KLHL6: variants seen among roughly 807,000 people sequenced by gnomAD.
KLHL6 encodes the protein kelch-like protein 6.
In KLHL6, 41 loss-of-function variants were observed where a neutral mutation model predicts 58.6. That is an observed-to-expected ratio of 0.70 (90% CI 0.55 to 0.91). The LOEUF (loss-of-function observed/expected upper bound fraction) is 0.91, where lower values mean the gene tolerates loss of function less well. Among genes scored for constraint, KLHL6 ranks in the 40% least tolerant of loss-of-function variants. The pLI is 0.00. For missense variants in KLHL6, 714 were observed against 805.6 expected (o/e 0.89, Z 1.38); for synonymous variants, 338 against 322.7 (o/e 1.05, Z -0.51).
intron 2 of KLHL6, among the ~76,000 whole-genome samples, chr3:183,523,578 C>T (rs1177537844): frequency 6.6e-6 from 1 of 152,222 alleles, no homozygotes; most frequent in Non-Finnish European, 1.5e-5. Context: ...GGGATCCTTA[C>T]ATCCCAGACC....
In KLHL6 at chr3:183,492,211, G is replaced by A. The variant is rs1429298086; in HGVS notation, c.1582C>T (p.Leu528=). 1 of 1,604,868 alleles carries A rather than the reference G, an allele frequency of 6.2e-7. No homozygotes were observed. Among genetic ancestry groups the A allele is most frequent in the South Asian group, 1.1e-5 (1 of 90,400 alleles). The change falls in exon 7 of 7, where the codon CTG becomes TTG. Residue 528 remains leucine, a synonymous_variant. Coordinates refer to ENST00000341319, the MANE Select transcript of KLHL6 (RefSeq NM_130446.4). The surrounding 1 kb of genome is among the most constrained non-coding windows in gnomAD (Gnocchi z 5.9). The stretch of plus-strand genomic sequence containing the variant: ...TCTTCCAGCGGGCTGTAGGCGTACA[G>A]CGCTCTCATGGCCCCACCTGAGGAG... ...IYVVGGAMRA[L]YAYSPLEDSW...
intron 1 of KLHL6, among the ~76,000 whole-genome samples, chr3:183,547,905 C>T (rs1712776907): frequency 6.6e-6 from 1 of 152,160 alleles, no homozygotes; most frequent in African/African-American, 2.4e-5. Flanking sequence ...TATGACCCCT[C>T]AGCTCCCCAA....
intron 3 of KLHL6, among the ~76,000 whole-genome samples, chr3:183,502,885 T>A (rs966677805): frequency 6.6e-6 from 1 of 152,200 alleles, no homozygotes; most frequent in Non-Finnish European, 1.5e-5. Context: ...AATTGAGAAC[T>A]AACACAATCA....
chr3:183,537,784 A>T (rs956318429), intron 1 of KLHL6, among the ~76,000 whole-genome samples: 69 of 151,932 alleles, frequency 4.5e-4, no homozygotes, highest in African/African-American at 1.7e-3. Context: ...CACTCCCCCT[A>T]ATCTAAAATC....
At chr3:183,540,775 TTGTC>T (rs1179260743) in intron 1 of KLHL6, among the ~76,000 whole-genome samples, 1 of 152,194 alleles carries the variant, frequency 6.6e-6, no homozygotes, top group Non-Finnish European at 1.5e-5. Context: ...TTCTTTACCT[TTGTC>T]TGCTTTTGTT....
At position 183,491,111 on chromosome 3, in the gene KLHL6, T is replaced by TTTTG. The variant is rs917270342; in HGVS notation, c.*812_*815dup. The TTTTG allele has an allele frequency of 6.6e-6, 1 of 151,462 alleles. No homozygotes were observed. Among genetic ancestry groups the TTTTG allele is most frequent in the African/African-American group, 2.4e-5 (1 of 40,910 alleles). 9.4% of individuals were successfully genotyped at this position (151,462 alleles called of 1,614,324 possible). ...CAGGTTTCTTTGTTTTTGTTTTTGT[T>TTTTG]TTTGTTTTTGTTTTGAAGACAGAGC... On this transcript the variant is annotated 3_prime_UTR_variant, in exon 7 of 7. Transcript: ENST00000341319.
intron 3 of KLHL6, among the ~76,000 whole-genome samples, chr3:183,504,152 G>A (rs996124082): frequency 5.9e-5 from 9 of 152,170 alleles, no homozygotes; most frequent in African/African-American, 2.2e-4. Flanking sequence ...GTGAGAGATG[G>A]AGCAACAATA....
chr3:183,504,546 A>G (rs529101924), intron 3 of KLHL6, among the ~76,000 whole-genome samples: 2 of 152,360 alleles, frequency 1.3e-5, no homozygotes, highest in East Asian at 1.9e-4. Context: ...GCAATTTTGC[A>G]GAAGACAGGG....
At chr3:183,526,683 C>T (rs1004852470) in intron 2 of KLHL6, among the ~76,000 whole-genome samples, 1 of 152,164 alleles carries the variant, frequency 6.6e-6, no homozygotes, top group Non-Finnish European at 1.5e-5. Flanking sequence ...CATGTCTGTC[C>T]TCTCCCACTG....
intron 3 of KLHL6, among the ~76,000 whole-genome samples, chr3:183,503,847 G>A (rs897972417): frequency 5.9e-5 from 9 of 152,132 alleles, no homozygotes; most frequent in Admixed American, 6.6e-5. Context: ...GTTAAAGTTT[G>A]GTAAATGAAG....
At chr3:183,546,906 T>C (rs1259788119) in intron 1 of KLHL6, among the ~76,000 whole-genome samples, 1 of 127,020 alleles carries the variant, frequency 7.9e-6, no homozygotes, top group Admixed American at 1.0e-4. Context: ...CCCAGTGCCA[T>C]AAGTCTTTTT....
intron 1 of KLHL6, among the ~76,000 whole-genome samples, chr3:183,541,352 G>A (rs972458711): frequency 2.0e-5 from 3 of 152,206 alleles, no homozygotes; most frequent in African/African-American, 4.8e-5. Flanking sequence ...CTGGGGATGG[G>A]GAGCAGTTAT....
At chr3:183,524,907 G>A (rs1711899179) in intron 2 of KLHL6, among the ~76,000 whole-genome samples, 1 of 152,182 alleles carries the variant, frequency 6.6e-6, no homozygotes, top group African/African-American at 2.4e-5. Context: ...CTATAACCCT[G>A]AGTTAATTAA....
intron 1 of KLHL6, among the ~76,000 whole-genome samples, chr3:183,534,078 A>AACAGTACTTTACTTTT (rs1712251551): frequency 2.2e-5 from 3 of 136,380 alleles, no homozygotes; most frequent in Non-Finnish European, 4.9e-5. Flanking sequence ...ACCAGCCTTT[A>AACAGTACTTTACTTTT]AAAGTACTTT....
intron 3 of KLHL6, among the ~76,000 whole-genome samples, chr3:183,505,686 A>G (rs2108672619): frequency 6.6e-6 from 1 of 152,258 alleles, no homozygotes; most frequent in South Asian, 2.1e-4. Context: ...AATTACCAAT[A>G]TCTGGAATGA....
intron 3 of KLHL6, among the ~76,000 whole-genome samples, chr3:183,502,944 G>A (rs975312692): frequency 3.3e-5 from 5 of 152,178 alleles, no homozygotes; most frequent in African/African-American, 9.7e-5. Flanking sequence ...TTATAATTCA[G>A]CACCACGGAG....
chr3:183,524,936 T>G (rs1577192671), intron 2 of KLHL6, among the ~76,000 whole-genome samples: 1 of 152,118 alleles, frequency 6.6e-6, no homozygotes, highest in Non-Finnish European at 1.5e-5. Context: ...ACTGATTCAT[T>G]TCATCATTCT....
intron 2 of KLHL6, among the ~76,000 whole-genome samples, chr3:183,510,078 C>T (rs1315823749): frequency 6.6e-6 from 1 of 152,124 alleles, no homozygotes; most frequent in Non-Finnish European, 1.5e-5. Context: ...GATGACAAAG[C>T]ACTGTTATAT....
chr3:183,540,755 A>G (rs1712526127), intron 1 of KLHL6, among the ~76,000 whole-genome samples: 1 of 152,162 alleles, frequency 6.6e-6, no homozygotes. Context: ...CTTACAAAAC[A>G]TGGTGATTAT....
Sources: allele counts gnomAD v4.1 joint callset (sites outside exome capture counted in the v4.1 genomes callset), GRCh38; gene constraint gnomAD v4.1.1; non-coding constraint Gnocchi (gnomAD v3.1); transcripts MANE v1.5; gene names NCBI Gene and HGNC (gene_info 2026-07-23, HGNC 2026-07-21).